Variants in EHMT1 observed in about 807,000 individuals in gnomAD.
EHMT1 encodes histone-lysine N-methyltransferase EHMT1.
EHMT1 carries 15 observed loss-of-function variants against 147.2 expected under a neutral mutation model. The observed-to-expected ratio is 0.10, with a 90% CI of 0.07 to 0.16. EHMT1 has a LOEUF of 0.16. Among genes scored for constraint, EHMT1 ranks in the 10% least tolerant of loss-of-function variants. The probability of loss-of-function intolerance (pLI) is 1.00; values close to 1 mark genes in which losing one functional copy is unlikely to be tolerated. For missense variants in EHMT1, 1,587 were observed against 1,772.4 expected (o/e 0.90, Z 1.88); for synonymous variants, 795 against 709.6 (o/e 1.12, Z -1.91).
At chr9:137,807,043 T>C (rs2137543075) in intron 18 of EHMT1, among the ~76,000 whole-genome samples, 1 of 152,378 alleles carries the variant, frequency 6.6e-6, no homozygotes, top group Non-Finnish European at 1.5e-5. Flanking sequence ...TTTGGTGTTA[T>C]TTTGTGTGTG....
At chr9:137,641,229 T>G (rs1395413271) in intron 1 of EHMT1, 1 of 421,078 alleles carries the variant, frequency 2.4e-6, no homozygotes, top group African/African-American at 2.1e-5. Flanking sequence ...CTCTTCCTAC[T>G]GGCTTTATTC....
chr9:137,757,792 T>C (rs1949491360), intron 8 of EHMT1, 88 bp from the exon 9 acceptor site: 1 of 1,601,552 alleles, frequency 6.2e-7, no homozygotes, highest in Admixed American at 1.7e-5. Flanking sequence ...GTCCATTTCC[T>C]GGGGCCCCAG....
chr9:137,813,658 C>A lies in EHMT1; in HGVS notation c.3180+128C>A. ...CTTATGGGGGGCTTCCCAGGAAGAC[C>A]TCATTCTCTTTGTAGTTGCCTCCCG... On this transcript the variant is annotated intron_variant, in intron 21 of 26. Coordinates refer to ENST00000460843, the MANE Select transcript of EHMT1 (RefSeq NM_024757.5). The surrounding 1 kb of genome is among the most constrained non-coding windows in gnomAD (Gnocchi z 4.9). The A allele has an allele frequency of 7.4e-7, 1 of 1,355,230 alleles. No individual in the cohort carries two copies. Among genetic ancestry groups the A allele is most frequent in the South Asian group, 1.2e-5 (1 of 80,288 alleles). The allele number at this position is 1,355,230 out of a possible 1,614,324, so 84.0% of individuals were successfully genotyped here.
intron 1 of EHMT1, among the ~76,000 whole-genome samples, chr9:137,631,475 T>C (rs1396732519): frequency 6.6e-6 from 1 of 152,162 alleles, no homozygotes; most frequent in African/African-American, 2.4e-5. Context: ...AGGTCACCAG[T>C]ATTTAATTAC....
chr9:137,814,898 G>A (rs147605066), intron 22 of EHMT1: 768 of 379,124 alleles, frequency 2.0e-3, no homozygotes, highest in Non-Finnish European at 3.2e-3. Flanking sequence ...GGTACAGGGA[G>A]CATCAGTGTG....
intron 15 of EHMT1, chr9:137,785,181 G>A (rs1226865742): frequency 6.5e-6 from 1 of 153,956 alleles, no homozygotes; most frequent in Admixed American, 6.5e-5. Flanking sequence ...GCATTCGGCT[G>A]GGAGGCCCTC....
intron 6 of EHMT1, 132 bp downstream of exon 6, chr9:137,744,222 G>A: frequency 1.1e-6 from 1 of 930,434 alleles, no homozygotes; most frequent in Non-Finnish European, 1.6e-6. Context: ...TTAGATTTTT[G>A]TATTTTATTT....
chr9:137,780,488 G>A (rs1465512791), intron 14 of EHMT1, among the ~76,000 whole-genome samples: 2 of 134,724 alleles, frequency 1.5e-5, no homozygotes, highest in Non-Finnish European at 3.1e-5. Flanking sequence ...GAGACGTGTG[G>A]TGATGACGCT....
intron 1 of EHMT1, among the ~76,000 whole-genome samples, chr9:137,643,505 C>G (rs148549571): frequency 6.6e-6 from 1 of 151,980 alleles, no homozygotes; most frequent in Non-Finnish European, 1.5e-5. Context: ...CCTGCCATCA[C>G]GCCTGGCTAA....
Position 137,789,676 on chromosome 9 carries a change from C to T in EHMT1, c.2383-1172C>T, listed in dbSNP as rs376550175. ...CTCTTTGGGGAAGCCCAGCTCCTTC[C>T]GGTCAAAGTCTCCTGAGCCTCTCAC... On this transcript the variant is annotated intron_variant, in intron 15 of 26. Coordinates refer to ENST00000460843, the MANE Select transcript of EHMT1 (RefSeq NM_024757.5). Among the ~76,000 whole-genome samples, 45 of 152,302 alleles carry T rather than the reference C, an allele frequency of 3.0e-4. No homozygotes were observed. In the East Asian group the frequency reaches 5.2e-3, roughly 18 times the overall value.
At position 137,782,524 on chromosome 9, in the gene EHMT1, A is replaced by G; in HGVS notation, c.2382+127A>G. 3.3e-6 allele frequency: 3 copies of G among 914,726 alleles called. No individual in the cohort carries two copies. The South Asian group carries it at 4.3e-5, about 13-fold the overall frequency. 56.7% of individuals were successfully genotyped at this position (914,726 alleles called of 1,614,324 possible). A position where few individuals can be genotyped will look rare whatever the true frequency, so the allele number is the denominator to read the frequency against. On this transcript the variant is annotated intron_variant, in intron 15 of 26. Transcript: ENST00000460843. The surrounding 1 kb of genome is among the most constrained non-coding windows in gnomAD (Gnocchi z 5.7). ...CCGTAGTGCTGTGAATCGGGCACAG[A>G]GTCAGCTTTTCTGCCCCCGAGTCCT...
Position 137,743,890 on chromosome 9 carries a change from C to A in EHMT1, c.982-12C>A. ...GATCCTGCCTTGGGGTATACACCTG[C>A]CCGTGTTCTAGGGGGAGAAGGACCT... is the stretch of plus-strand genomic sequence containing the variant. On this transcript the variant is annotated splice_polypyrimidine_tract_variant and intron_variant, in intron 5 of 26. Transcript: ENST00000460843. The A allele has an allele frequency of 6.2e-7, 1 of 1,606,628 alleles. No homozygotes were observed. The highest frequency in any genetic ancestry group is 8.5e-7 in the Non-Finnish European group (1 of 1,177,798).
chr9:137,720,903 C>T (rs1200819507), intron 3 of EHMT1, among the ~76,000 whole-genome samples: 3 of 152,180 alleles, frequency 2.0e-5, no homozygotes, highest in South Asian at 2.1e-4. Flanking sequence ...CTATGGCCTT[C>T]GGGTGTTTCA....
intron 1 of EHMT1, among the ~76,000 whole-genome samples, chr9:137,653,903 C>T (rs1310478756): frequency 6.6e-6 from 1 of 152,150 alleles, no homozygotes; most frequent in African/African-American, 2.4e-5. Flanking sequence ...TGGAACTTCT[C>T]CTCCTTGATG....
chr9:137,804,862 G>A (rs1953791770), intron 18 of EHMT1, among the ~76,000 whole-genome samples: 1 of 152,050 alleles, frequency 6.6e-6, no homozygotes, highest in Admixed American at 6.6e-5. Flanking sequence ...CTGTACCATT[G>A]CCAAAAGCCA....
chr9:137,710,979 A>AGG lies in EHMT1; in HGVS notation c.39_40dup (p.Glu14GlyfsTer9). On this transcript the variant is annotated frameshift_variant, in exon 2 of 27. Transcript: ENST00000460843. LOFTEE classifies it high-confidence loss of function. ...TTCTCTCTAACAGGCAGTTCCGGCGAGGGGGGAGCCTCAGCAGGATTGCTG... is the reference window on the plus strand; with the variant it reads ...TTCTCTCTAACAGGCAGTTCCGGCGAGGGGGGGGAGCCTCAGCAGGATTGCTG... 6.3e-7 allele frequency: 1 copy of AGG among 1,598,012 alleles called. No individual in the cohort carries two copies. The highest frequency in any genetic ancestry group is 8.5e-7 in the Non-Finnish European group (1 of 1,173,088).
intron 4 of EHMT1, among the ~76,000 whole-genome samples, chr9:137,730,383 T>C (rs1947001141): frequency 6.6e-6 from 1 of 152,178 alleles, no homozygotes; most frequent in African/African-American, 2.4e-5. Flanking sequence ...TTATTTCAGT[T>C]TCTGCTGTAA....
chr9:137,743,224 G>T, intron 4 of EHMT1, 147 bp from the exon 5 acceptor site: 1 of 880,484 alleles, frequency 1.1e-6, no homozygotes, highest in Non-Finnish European at 1.7e-6. Context: ...CTGTGCTGAT[G>T]ACCTGCGGGC....
rs371829525 is a variant in EHMT1, at chr9:137,777,956, C to T, written c.2093C>T (p.Pro698Leu). Reference protein sequence around the residue: ...AASHVPEGFDPTGPAGLGRPT... With the variant: ...AASHVPEGFDLTGPAGLGRPT... The stretch of plus-strand genomic sequence containing the variant: ...TCCCACGTGCCCGAGGGCTTTGATC[C>T]AACGGGACCTGCTGGGCTTGGGAGG... The change falls in exon 13 of 27, where the codon CCA (proline) becomes CTA (leucine). Residue 698 changes from proline to leucine, a missense_variant. Physicochemically the swap from Pro to Leu is moderately conservative, Grantham distance 98. This residue lies in a region of EHMT1 where 77 missense variants were observed against 79.3 expected (regional missense o/e 0.97). Coordinates refer to ENST00000460843, the MANE Select transcript of EHMT1 (RefSeq NM_024757.5). The T allele has an allele frequency of 1.2e-5, 20 of 1,613,920 alleles. No homozygotes were observed. Among genetic ancestry groups the T allele is most frequent in the East Asian group, 4.5e-5 (2 of 44,878 alleles).
Sources: allele counts gnomAD v4.1 joint callset (sites outside exome capture counted in the v4.1 genomes callset), GRCh38; gene constraint gnomAD v4.1.1; regional missense constraint gnomAD v4.1.1; non-coding constraint Gnocchi (gnomAD v3.1); transcripts MANE v1.5; gene names NCBI Gene and HGNC (gene_info 2026-07-23, HGNC 2026-07-21).